PKP1: variants seen among roughly 807,000 people sequenced by gnomAD.
PKP1 encodes plakophilin-1.
In PKP1, 27 loss-of-function variants were observed where a neutral mutation model predicts 76.4. The ratio of observed to expected loss-of-function variants is 0.35; its 90% CI spans 0.26 to 0.49. The LOEUF (loss-of-function observed/expected upper bound fraction) is 0.49. Ranked by LOEUF, PKP1 falls within the 20% of genes least tolerant of loss-of-function variation. The probability of loss-of-function intolerance (pLI) is 0.99; values close to 1 mark genes in which losing one functional copy is unlikely to be tolerated. For synonymous variants in PKP1, 404 were observed against 384.2 expected, an observed-to-expected ratio of 1.05 and a Z score of -0.60; for missense variants, 964 against 955.2, an observed-to-expected ratio of 1.01 and a Z score of -0.12.
Position 201,325,044 on chromosome 1 carries a change from C to A in PKP1, c.1938C>A (p.Asn646Lys), listed in dbSNP as rs781360485. 5.6e-6 allele frequency: 9 copies of A among 1,613,890 alleles called. No individual in the cohort carries two copies. Among genetic ancestry groups the A allele is most frequent in the East Asian group, 2.2e-5 (1 of 44,884 alleles). ...CCTCGGCCTGCTACACTGTGAGGAA[C>A]CTGATGGCCTCGCAGCCACAACTGG... ...ILSSACYTVR[N>K]LMASQPQLAK... Residue 646 changes from asparagine (N) to lysine (K), a missense_variant, in exon 11 of 14, where the codon AAC becomes AAA. Transcript: ENST00000367324.
At chr1:201,301,619 C>G (rs1022037967) in intron 2 of PKP1, among the ~76,000 whole-genome samples, 4 of 152,076 alleles carry the variant, frequency 2.6e-5, no homozygotes, top group African/African-American at 9.7e-5. Flanking sequence ...GGCTGTTGCT[C>G]TCTCCCCTTC....
chr1:201,329,273 A>G (rs1014125064), intron 13 of PKP1, among the ~76,000 whole-genome samples: 4 of 151,984 alleles, frequency 2.6e-5, no homozygotes, highest in African/African-American at 9.7e-5. Flanking sequence ...TTCACTTTCC[A>G]CTCTCTGCAC....
chr1:201,299,895 T>C (rs1656174802), intron 2 of PKP1, among the ~76,000 whole-genome samples: 1 of 152,214 alleles, frequency 6.6e-6, no homozygotes, highest in Non-Finnish European at 1.5e-5. Context: ...ATGAGCTGGG[T>C]TCCTTCGGCA....
intron 7 of PKP1, 98 bp from the exon 8 acceptor site, chr1:201,321,880 C>T: frequency 1.4e-6 from 2 of 1,400,974 alleles, no homozygotes; most frequent in South Asian, 2.4e-5. Flanking sequence ...CGATGCAGCC[C>T]AGGTGCCTCT....
intron 2 of PKP1, among the ~76,000 whole-genome samples, chr1:201,310,628 G>A (rs115610046): frequency 0.011 from 1,748 of 152,346 alleles, 27 homozygotes; most frequent in African/African-American, 0.039. Flanking sequence ...TGGGGAGGAC[G>A]GGGTCTGAGA....
chr1:201,324,364 T>A, intron 9 of PKP1, 64 bp from the exon 10 acceptor site: 1 of 1,557,766 alleles, frequency 6.4e-7, no homozygotes, highest in South Asian at 1.1e-5. Context: ...TCCTTGCCCC[T>A]TTCTGCCTGC....
chr1:201,326,581 A>G (rs999037008), intron 12 of PKP1, among the ~76,000 whole-genome samples: 2 of 152,244 alleles, frequency 1.3e-5, no homozygotes, highest in African/African-American at 4.8e-5. Flanking sequence ...CTATGGTTAT[A>G]TTCATAAAGA....
At position 201,311,105 on chromosome 1, in the gene PKP1, A is replaced by G. The variant is rs538368670; in HGVS notation, c.307-2061A>G. Among the ~76,000 whole-genome samples, 70 of 152,308 alleles carry G rather than the reference A, an allele frequency of 4.6e-4. 1 individual carries two copies. Among genetic ancestry groups the G allele is most frequent in the African/African-American group, 1.7e-3 (69 of 41,566 alleles). ...GGAGAACAAGGGTGCTCCTTGTTGC[A>G]TTTCCATTTAAGGCTTAGCTGGCTC... On this transcript the variant is annotated intron_variant, in intron 2 of 13. Transcript: ENST00000367324.
chr1:201,324,585 A>G lies in PKP1; in HGVS notation c.1834+4A>G. ...CCTCTGCTGCACAGAGTGATGGGTA[A>G]GGTCCCTCTCTCTCCTCCCCCTCTA... On this transcript the variant is annotated splice_donor_region_variant and intron_variant, in intron 10 of 13. Transcript: ENST00000367324. 1.2e-6 allele frequency: 2 copies of G among 1,613,996 alleles called. No individual in the cohort carries two copies. Among genetic ancestry groups the G allele is most frequent in the Non-Finnish European group, 1.7e-6 (2 of 1,179,920 alleles).
chr1:201,287,631 G>T (rs895162152), intron 1 of PKP1, among the ~76,000 whole-genome samples: 5 of 152,222 alleles, frequency 3.3e-5, no homozygotes, highest in African/African-American at 1.2e-4. Flanking sequence ...TGGAGTTTTA[G>T]CCAGAATTTC....
At chr1:201,293,443 G>A (rs1655984666) in intron 1 of PKP1, among the ~76,000 whole-genome samples, 1 of 152,210 alleles carries the variant, frequency 6.6e-6, no homozygotes, top group Non-Finnish European at 1.5e-5. Flanking sequence ...ATGGGAGGAA[G>A]TTTGGTCACT....
chr1:201,299,012 A>G (rs1278516848), intron 2 of PKP1, among the ~76,000 whole-genome samples: 2 of 152,226 alleles, frequency 1.3e-5, no homozygotes, highest in African/African-American at 4.8e-5. Context: ...ACCCTCAGTC[A>G]CAGCCATGCT....
rs987481670 is a variant in PKP1, at chr1:201,331,058, G to A, written c.*1017G>A. 6.6e-6 allele frequency: 1 copy of A among 152,226 alleles called. No individual in the cohort carries two copies. The highest frequency in any genetic ancestry group is 2.4e-5 in the African/African-American group (1 of 41,448). The allele number at this position is 152,226 out of a possible 1,614,324, so 9.4% of individuals were successfully genotyped here. On this transcript the variant is annotated 3_prime_UTR_variant, in exon 14 of 14. Coordinates refer to ENST00000367324, the MANE Select transcript of PKP1 (RefSeq NM_001005337.3). ...ATTCCCAGTGGAGAGGGGAACAAGTGGGGCTGGGCATATACCTATTCCGGC... is the reference window on the plus strand; with the variant it reads ...ATTCCCAGTGGAGAGGGGAACAAGTAGGGCTGGGCATATACCTATTCCGGC...
chr1:201,295,357 C>T (rs894543804), intron 2 of PKP1, among the ~76,000 whole-genome samples: 16 of 152,166 alleles, frequency 1.1e-4, no homozygotes, highest in Non-Finnish European at 2.2e-4. Context: ...GAATTTACTT[C>T]CCTCGCTTTT....
At chr1:201,291,345 T>C (rs1655911926) in intron 1 of PKP1, among the ~76,000 whole-genome samples, 1 of 152,182 alleles carries the variant, frequency 6.6e-6, no homozygotes, top group Admixed American at 6.5e-5. Context: ...CCAGAGTTCA[T>C]GCTGGACATG....
intron 1 of PKP1, among the ~76,000 whole-genome samples, chr1:201,291,273 C>T: frequency 6.6e-6 from 1 of 152,154 alleles, no homozygotes; most frequent in Admixed American, 6.5e-5. Flanking sequence ...TAGGAGATGC[C>T]TTCAGGAACT....
intron 1 of PKP1, among the ~76,000 whole-genome samples, chr1:201,288,542 G>A (rs1655806188): frequency 6.6e-6 from 1 of 152,148 alleles, no homozygotes; most frequent in Admixed American, 6.6e-5. Context: ...AGCCAAGTTG[G>A]AGAACCACTG....
At chr1:201,288,926 G>T (rs572181289) in intron 1 of PKP1, among the ~76,000 whole-genome samples, 9 of 152,298 alleles carry the variant, frequency 5.9e-5, no homozygotes, top group Non-Finnish European at 8.8e-5. Context: ...GAGAACACAG[G>T]CCACAGCAAC....
At chr1:201,316,297 A>C in intron 3 of PKP1, 1 of 498,996 alleles carries the variant, frequency 2.0e-6, no homozygotes, top group Non-Finnish European at 3.6e-6. Flanking sequence ...GAGATAACAT[A>C]CCTGCTAGGA....
Sources: allele counts gnomAD v4.1 joint callset (sites outside exome capture counted in the v4.1 genomes callset), GRCh38; gene constraint gnomAD v4.1.1; transcripts MANE v1.5; gene names NCBI Gene and HGNC (gene_info 2026-07-23, HGNC 2026-07-21).